Variants in DLGAP2 observed in about 807,000 individuals in gnomAD.
The protein encoded by DLGAP2 is DLG associated protein 2.
DLGAP2 carries 26 observed loss-of-function variants against 100.3 expected under a neutral mutation model. The observed-to-expected ratio is 0.26, with a 90% CI of 0.19 to 0.36. The LOEUF is 0.36. DLGAP2 is among the 10% of genes least tolerant of loss of function. DLGAP2 has a pLI of 1.00. For synonymous variants in DLGAP2, 886 were observed against 630.1 expected (o/e 1.41, Z -6.08); for missense variants, 1,858 against 1,453.2 (o/e 1.28, Z -4.53).
chr8:1,066,998 C>A (rs935136202), intron 2 of DLGAP2, among the ~76,000 whole-genome samples: 1 of 152,192 alleles, frequency 6.6e-6, no homozygotes, highest in African/African-American at 2.4e-5. Context: ...CTGGGCCCCC[C>A]TGATGCCCGA....
chr8:877,629 A>G (rs1018151359), intron 1 of DLGAP2, among the ~76,000 whole-genome samples: 1 of 152,262 alleles, frequency 6.6e-6, no homozygotes, highest in Non-Finnish European at 1.5e-5. Context: ...TGACACAAGA[A>G]GGATCCTCCC....
intron 2 of DLGAP2, among the ~76,000 whole-genome samples, chr8:953,617 T>C (rs1372430107): frequency 2.0e-5 from 3 of 152,256 alleles, no homozygotes; most frequent in Admixed American, 6.5e-5. Context: ...ATGTCTGCCA[T>C]GTTGCCAAAT....
In DLGAP2 at chr8:1,510,842, C is replaced by G. The variant is rs539252915; in HGVS notation, c.172+9411C>G. ...CTCAACAAATAAAAGGCAAACCTTG[C>G]ATTTGACACCTGAAACTGAGGTCGG... On this transcript the variant is annotated intron_variant, in intron 4 of 14. Coordinates refer to ENST00000637795, the MANE Select transcript of DLGAP2 (RefSeq NM_001346810.2). Among the ~76,000 whole-genome samples the G allele has an allele frequency of 3.9e-5, 6 of 152,296 alleles. No individual in the cohort carries two copies. The East Asian group carries it at 1.2e-3, about 29-fold the overall frequency.
chr8:947,434 T>G (rs11782318), intron 2 of DLGAP2, among the ~76,000 whole-genome samples: 63,023 of 151,852 alleles, frequency 0.42, 13,524 homozygotes, highest in Admixed American at 0.55. Context: ...GACAGGCCCC[T>G]TACGTCCGCG....
chr8:1,256,163 G>C (rs2116896918), intron 2 of DLGAP2, among the ~76,000 whole-genome samples: 1 of 134,498 alleles, frequency 7.4e-6, no homozygotes, highest in African/African-American at 2.9e-5. Context: ...TGCTGTGTGT[G>C]TGTCCTCTCA....
intron 2 of DLGAP2, among the ~76,000 whole-genome samples, chr8:1,191,560 C>G (rs1032214929): frequency 3.3e-5 from 5 of 152,212 alleles, no homozygotes; most frequent in Admixed American, 2.6e-4. Context: ...GAAATTAATT[C>G]TGAAAATCCG....
At chr8:1,196,379 A>C (rs575076426) in intron 2 of DLGAP2, among the ~76,000 whole-genome samples, 3 of 152,180 alleles carry the variant, frequency 2.0e-5, no homozygotes, top group Non-Finnish European at 4.4e-5. Context: ...AGGTGTCAGC[A>C]CAGGGGCTAA....
At chr8:1,524,061 C>T (rs11787205) in intron 4 of DLGAP2, among the ~76,000 whole-genome samples, 27,259 of 152,104 alleles carry the variant, frequency 0.18, 3,057 homozygotes, top group Middle Eastern at 0.33. Context: ...GCAGGGACGT[C>T]GTCCCGTGTA....
chr8:926,484 G>A (rs1301815472), intron 2 of DLGAP2, among the ~76,000 whole-genome samples: 4 of 152,128 alleles, frequency 2.6e-5, no homozygotes, highest in Non-Finnish European at 5.9e-5. Flanking sequence ...GTGTCTCACC[G>A]CACCTGAGTA....
chr8:1,150,877 G>C (rs572077504), intron 2 of DLGAP2, among the ~76,000 whole-genome samples: 20 of 152,104 alleles, frequency 1.3e-4, no homozygotes, highest in Non-Finnish European at 2.4e-4. Context: ...AAGTTTTTCT[G>C]ACTTTAAAAA....
intron 2 of DLGAP2, chr8:1,248,701 CT>C (rs1798970275): frequency 1.1e-4 from 1 of 9,228 alleles, no homozygotes; most frequent in Non-Finnish European, 4.7e-4. Context: ...GGGAAGAGGA[CT>C]GGGCATAGGA....
intron 3 of DLGAP2, among the ~76,000 whole-genome samples, chr8:1,485,030 C>T (rs1170613737): frequency 6.6e-6 from 1 of 152,206 alleles, no homozygotes; most frequent in Non-Finnish European, 1.5e-5. Context: ...GAAAATTTTA[C>T]ATTACCATCA....
intron 1 of DLGAP2, among the ~76,000 whole-genome samples, chr8:872,110 C>A (rs914407199): frequency 2.6e-5 from 4 of 151,984 alleles, no homozygotes; most frequent in Non-Finnish European, 4.4e-5. Flanking sequence ...ATGTGGTTTT[C>A]TTTATGCTAT....
intron 3 of DLGAP2, among the ~76,000 whole-genome samples, chr8:1,444,526 TAA>T (rs1022712082): frequency 4.6e-5 from 7 of 152,256 alleles, no homozygotes; most frequent in African/African-American, 7.2e-5. Flanking sequence ...TGGAATTTTT[TAA>T]GAGAGAAAGA....
chr8:1,179,754 A>G (rs554383715), intron 2 of DLGAP2, among the ~76,000 whole-genome samples: 22 of 152,352 alleles, frequency 1.4e-4, no homozygotes, highest in African/African-American at 4.3e-4. Context: ...TGAAATATAA[A>G]TGGGAGTACA....
At chr8:1,152,547 A>T (rs1796714663) in intron 2 of DLGAP2, among the ~76,000 whole-genome samples, 1 of 152,332 alleles carries the variant, frequency 6.6e-6, no homozygotes, top group African/African-American at 2.4e-5. Context: ...GTATGACTTA[A>T]AAAGTGCAAA....
At chr8:971,533 A>G (rs1800014629) in intron 2 of DLGAP2, among the ~76,000 whole-genome samples, 1 of 152,168 alleles carries the variant, frequency 6.6e-6, no homozygotes, top group Non-Finnish European at 1.5e-5. Flanking sequence ...CTGAAACCAC[A>G]TTGTCAAAGT....
intron 1 of DLGAP2, among the ~76,000 whole-genome samples, chr8:833,620 T>G (rs995681005): frequency 6.6e-6 from 1 of 152,166 alleles, no homozygotes; most frequent in African/African-American, 2.4e-5. Context: ...CCCTGTCTCA[T>G]CTCAGGACCC....
chr8:1,262,033 G>A (rs1326622167), intron 3 of DLGAP2, among the ~76,000 whole-genome samples: 3 of 152,186 alleles, frequency 2.0e-5, no homozygotes, highest in Non-Finnish European at 4.4e-5. Context: ...GCCTTCCCTG[G>A]CTAAGCCAGT....
Sources: allele counts gnomAD v4.1 joint callset (sites outside exome capture counted in the v4.1 genomes callset), GRCh38; gene constraint gnomAD v4.1.1; transcripts MANE v1.5; gene names NCBI Gene and HGNC (gene_info 2026-07-23, HGNC 2026-07-21).